The following ATP13A4 variants were observed in gnomAD, a reference collection of about 807,000 sequenced individuals.
The protein encoded by ATP13A4 is ATPase 13A4.
Under a neutral mutation model 142.5 loss-of-function variants are expected in ATP13A4, and 114 were observed. That is an observed-to-expected ratio of 0.80 (90% CI 0.69 to 0.93). ATP13A4 has a LOEUF of 0.93. Among genes scored for constraint, ATP13A4 ranks in the 40% least tolerant of loss-of-function variants. ATP13A4 has a pLI of 0.00. For missense variants in ATP13A4, 1,392 were observed against 1,454.0 expected, an observed-to-expected ratio of 0.96 and a Z score of 0.69; for synonymous variants, 488 against 514.8, an observed-to-expected ratio of 0.95 and a Z score of 0.70.
In ATP13A4 at chr3:193,436,641, T is replaced by C. The variant is rs553018536; in HGVS notation, c.2673-897A>G. On this transcript the variant is annotated intron_variant, in intron 23 of 29. Coordinates refer to ENST00000342695, the MANE Select transcript of ATP13A4 (RefSeq NM_032279.4). ...TTTTTTTTGTATTTTTAATAGAGAC[T>C]GGGTTTCATCACGTTGGCCAAGCTG... 8.6e-5 allele frequency among the ~76,000 whole-genome samples: 13 copies of C among 151,600 alleles called. No individual in the cohort carries two copies. In the East Asian group the frequency reaches 2.6e-3, roughly 30 times the overall value.
intron 1 of ATP13A4, among the ~76,000 whole-genome samples, chr3:193,588,267 G>T (rs1052498006): frequency 6.6e-6 from 1 of 152,176 alleles, no homozygotes; most frequent in Non-Finnish European, 1.5e-5. Flanking sequence ...TCTCGAATCT[G>T]TATTGCAAGC....
At chr3:193,544,920 T>G (rs1577068847) in intron 1 of ATP13A4, among the ~76,000 whole-genome samples, 1 of 152,242 alleles carries the variant, frequency 6.6e-6, no homozygotes, top group Non-Finnish European at 1.5e-5. Flanking sequence ...AGATGCCAGA[T>G]TTGGGTATAT....
chr3:193,427,581 A>C (rs1231771674), intron 25 of ATP13A4, among the ~76,000 whole-genome samples: 1 of 151,176 alleles, frequency 6.6e-6, no homozygotes, highest in East Asian at 1.9e-4. Context: ...CCAAAAGAGC[A>C]TGGTACAGAG....
chr3:193,493,884 T>C (rs1455679702), intron 3 of ATP13A4, among the ~76,000 whole-genome samples: 3 of 152,014 alleles, frequency 2.0e-5, no homozygotes, highest in African/African-American at 7.2e-5. Context: ...AACTATATGC[T>C]ACCTCCAAAG....
At chr3:193,431,077 G>A (rs1715945087) in intron 25 of ATP13A4, among the ~76,000 whole-genome samples, 1 of 151,966 alleles carries the variant, frequency 6.6e-6, no homozygotes, top group Admixed American at 6.6e-5. Context: ...AGGATGTGAT[G>A]GGTGAAGAAA....
At chr3:193,502,401 T>C in intron 3 of ATP13A4, 92 bp downstream of exon 3, 1 of 1,422,608 alleles carries the variant, frequency 7.0e-7, no homozygotes. Flanking sequence ...CAAATGAGGA[T>C]TGGCACAGTA....
At chr3:193,584,084 C>T (rs191632628) in intron 1 of ATP13A4, among the ~76,000 whole-genome samples, 148 of 152,272 alleles carry the variant, frequency 9.7e-4, no homozygotes, top group African/African-American at 3.2e-3. Flanking sequence ...CACAGAATAA[C>T]GCTTCCCACA....
chr3:193,466,878 A>T (rs1718319790), intron 10 of ATP13A4, among the ~76,000 whole-genome samples: 1 of 152,144 alleles, frequency 6.6e-6, no homozygotes, highest in African/African-American at 2.4e-5. Flanking sequence ...AAATATATGG[A>T]TTTATATATA....
Position 193,399,630 on chromosome 3 carries a change from C to T in ATP13A4, c.*3022G>A, listed in dbSNP as rs145837443. Among the ~76,000 whole-genome samples, 2,208 of 152,016 alleles carry T rather than the reference C, an allele frequency of 0.015. 55 individuals are homozygous for T. Among genetic ancestry groups the T allele is most frequent in the African/African-American group, 0.049 (2,038 of 41,452 alleles). On this transcript the variant is annotated 3_prime_UTR_variant, in exon 30 of 30. Coordinates refer to ENST00000342695, the MANE Select transcript of ATP13A4 (RefSeq NM_032279.4). Reference sequence around the variant, plus strand: ...TTGGGAGGCCGAGGCGGGCGGATCACGAGGTCAGGAGATTGAAACCACCCT... The same window carrying T: ...TTGGGAGGCCGAGGCGGGCGGATCATGAGGTCAGGAGATTGAAACCACCCT...
rs1716568101 is a variant in ATP13A4, at chr3:193,440,538, T to C, written c.2519+20A>G. On this transcript the variant is annotated intron_variant, in intron 21 of 29. Transcript: ENST00000342695. Reference sequence around the variant, plus strand: ...ATGCCTCCATGCAGTTCATGCCACCTGCACTGGCAAAGAACCTACTCCAGT... The same window carrying C: ...ATGCCTCCATGCAGTTCATGCCACCCGCACTGGCAAAGAACCTACTCCAGT... 2 of 1,613,572 alleles carry C rather than the reference T, an allele frequency of 1.2e-6. No individual in the cohort carries two copies. The highest frequency in any genetic ancestry group is 8.5e-7 in the Non-Finnish European group (1 of 1,179,624).
At chr3:193,587,260 G>C (rs530757443) in intron 1 of ATP13A4, among the ~76,000 whole-genome samples, 1 of 152,320 alleles carries the variant, frequency 6.6e-6, no homozygotes, top group East Asian at 1.9e-4. Flanking sequence ...CAAGGTGCTA[G>C]CAGGGCTGCA....
intron 2 of ATP13A4, among the ~76,000 whole-genome samples, chr3:193,570,487 C>T (rs1577084811): frequency 6.6e-6 from 1 of 152,090 alleles, no homozygotes; most frequent in Admixed American, 6.5e-5. Context: ...TATATACTAG[C>T]AAAATCTCAA....
intron 1 of ATP13A4, among the ~76,000 whole-genome samples, chr3:193,518,556 T>C (rs570851608): frequency 3.9e-5 from 6 of 152,316 alleles, no homozygotes; most frequent in Middle Eastern, 3.4e-3. Context: ...CAGATTATTG[T>C]CAAAGTCCTA....
Position 193,463,965 on chromosome 3 carries a change from AAAG to A in ATP13A4, c.1461+972_1461+974del, listed in dbSNP as rs1281724486. 5.9e-5 allele frequency among the ~76,000 whole-genome samples: 9 copies of A among 152,336 alleles called. No homozygotes were observed. In the South Asian group the frequency reaches 6.2e-4, roughly 11 times the overall value. Reference sequence around the variant, plus strand: ...AATATAGCTTCAGTTTGGGAAAATAAAAGAAGTTCTCAAAATGAATAGTAGTGA... The same window carrying A: ...AATATAGCTTCAGTTTGGGAAAATAAAAGTTCTCAAAATGAATAGTAGTGA... On this transcript the variant is annotated intron_variant, in intron 12 of 29. Transcript: ENST00000342695.
At chr3:193,463,390 T>A (rs1718073217) in intron 12 of ATP13A4, among the ~76,000 whole-genome samples, 1 of 135,982 alleles carries the variant, frequency 7.4e-6, no homozygotes, top group Non-Finnish European at 1.5e-5. Flanking sequence ...CAGGGCACTG[T>A]GAACAGACTC....
intron 2 of ATP13A4, among the ~76,000 whole-genome samples, chr3:193,511,193 G>A (rs1201213619): frequency 6.6e-6 from 1 of 152,194 alleles, no homozygotes; most frequent in Non-Finnish European, 1.5e-5. Flanking sequence ...CAAGATTGAA[G>A]CCGGCTTAGA....
At chr3:193,571,274 G>C (rs1577085109) in intron 2 of ATP13A4, among the ~76,000 whole-genome samples, 2 of 56,088 alleles carry the variant, frequency 3.6e-5, no homozygotes, top group East Asian at 7.7e-4. Context: ...GCAAGACCTT[G>C]TCTCAAAAAA....
At chr3:193,506,161 T>C (rs1237990035) in intron 2 of ATP13A4, among the ~76,000 whole-genome samples, 2 of 152,212 alleles carry the variant, frequency 1.3e-5, no homozygotes, top group Non-Finnish European at 2.9e-5. Flanking sequence ...AGCAGCATCT[T>C]TGCCTGTAAA....
At chr3:193,571,357 T>A (rs907151523) in intron 2 of ATP13A4, among the ~76,000 whole-genome samples, 1 of 148,150 alleles carries the variant, frequency 6.7e-6, no homozygotes, top group Non-Finnish European at 1.5e-5. Context: ...GGAGAATAGA[T>A]AAATCTTCCG....
Sources: allele counts gnomAD v4.1 joint callset (sites outside exome capture counted in the v4.1 genomes callset), GRCh38; gene constraint gnomAD v4.1.1; transcripts MANE v1.5; gene names NCBI Gene and HGNC (gene_info 2026-07-23, HGNC 2026-07-21).